NOMO1: variants seen among roughly 807,000 people sequenced by gnomAD.
NOMO1 encodes nodal modulator 3.
NOMO1 carries 40 observed loss-of-function variants against 133.8 expected under a neutral mutation model. That is an observed-to-expected ratio of 0.30 (90% CI 0.23 to 0.39). The LOEUF (loss-of-function observed/expected upper bound fraction) is 0.39, where lower values mean the gene tolerates loss of function less well. NOMO1 is among the 10% of genes least tolerant of loss of function. The probability of loss-of-function intolerance (pLI) is 1.00; values close to 1 mark genes in which losing one functional copy is unlikely to be tolerated. For missense variants in NOMO1, 462 were observed against 1,419.9 expected, an observed-to-expected ratio of 0.33 and a Z score of 10.84; for synonymous variants, 236 against 570.5, an observed-to-expected ratio of 0.41 and a Z score of 8.36.
At chr16:14,882,565 A>G in intron 25 of NOMO1, 29 bp from the exon 26 acceptor site, 7 of 1,611,560 alleles carry the variant, frequency 4.3e-6, no homozygotes, top group Non-Finnish European at 5.9e-6. Flanking sequence ...CCCCCTTTCT[A>G]GAGAGCTGAC....
At chr16:14,876,338 G>A (rs1176998942) in intron 20 of NOMO1, 21 bp from the exon 21 acceptor site, 9 of 1,610,730 alleles carry the variant, frequency 5.6e-6, no homozygotes, top group African/African-American at 1.3e-5. Context: ...CCATCCTTGT[G>A]TTTATTTCTT....
intron 6 of NOMO1, among the ~76,000 whole-genome samples, chr16:14,850,116 G>T (rs1171368229): frequency 6.7e-6 from 1 of 149,632 alleles, no homozygotes; most frequent in Non-Finnish European, 1.5e-5. Context: ...TGTTGCCCAG[G>T]CTGGAGTGCA....
chr16:14,887,826 A>T (rs1191645813), intron 28 of NOMO1, among the ~76,000 whole-genome samples: 1 of 151,844 alleles, frequency 6.6e-6, no homozygotes, highest in South Asian at 2.1e-4. Flanking sequence ...TTTCCTCATG[A>T]TGGGGGATCC....
chr16:14,889,260 G>T, intron 29 of NOMO1, 45 bp downstream of exon 29: 1 of 1,611,648 alleles, frequency 6.2e-7, no homozygotes, highest in Non-Finnish European at 8.5e-7. Context: ...GGCTGGGTTT[G>T]GTGGCTCACG....
Position 14,833,726 on chromosome 16 carries a change from T to A in NOMO1, c.-126T>A, listed in dbSNP as rs1963458892. Reference sequence around the variant, plus strand: ...TCGAAGCGCGCGTGCGCGGCGGCTCTGGCGGCGGCGGTGGGGCGGGGCCTG... The same window carrying A: ...TCGAAGCGCGCGTGCGCGGCGGCTCAGGCGGCGGCGGTGGGGCGGGGCCTG... On this transcript the variant is annotated 5_prime_UTR_variant, in exon 1 of 31. Transcript: ENST00000287667. 8.5e-7 allele frequency: 1 copy of A among 1,170,392 alleles called. No individual in the cohort carries two copies. Among genetic ancestry groups the A allele is most frequent in the African/African-American group, 1.7e-5 (1 of 60,540 alleles). 72.5% of individuals were successfully genotyped at this position (1,170,392 alleles called of 1,614,324 possible).
chr16:14,855,476 T>C (rs931467860), intron 9 of NOMO1, among the ~76,000 whole-genome samples: 11 of 151,798 alleles, frequency 7.2e-5, no homozygotes, highest in African/African-American at 2.7e-4. Context: ...TCTTTTAATA[T>C]TACATTTGAA....
At chr16:14,855,740 G>C (rs1195388878) in intron 9 of NOMO1, among the ~76,000 whole-genome samples, 1 of 152,014 alleles carries the variant, frequency 6.6e-6, no homozygotes, top group African/African-American at 2.4e-5. Context: ...ATGATGAATG[G>C]AATTTCAGGG....
Position 14,882,498 on chromosome 16 carries a change from C to G in NOMO1, c.3028-96C>G, listed in dbSNP as rs1597113490. On this transcript the variant is annotated intron_variant, in intron 25 of 30. Coordinates refer to ENST00000287667, the MANE Select transcript of NOMO1 (RefSeq NM_014287.4). The stretch of plus-strand genomic sequence containing the variant: ...AGGAAATGAGGGGAGAGAAATGCTC[C>G]TGTCTTAATGATCTCGTGCAGCCAA... The G allele has an allele frequency of 2.0e-6, 3 of 1,470,278 alleles. No homozygotes were observed. In the East Asian group the frequency reaches 6.9e-5, roughly 34 times the overall value. 91.1% of individuals were successfully genotyped at this position (1,470,278 alleles called of 1,614,324 possible).
chr16:14,840,716 C>G (rs1807659858), intron 2 of NOMO1, among the ~76,000 whole-genome samples: 1 of 148,674 alleles, frequency 6.7e-6, no homozygotes, highest in Admixed American at 6.7e-5. Context: ...TGCTGGAGTG[C>G]AGGGGCACAA....
intron 26 of NOMO1, among the ~76,000 whole-genome samples, chr16:14,884,058 TCTC>T (rs1305423138): frequency 6.8e-6 from 1 of 147,768 alleles, no homozygotes; most frequent in African/African-American, 2.5e-5. Flanking sequence ...AGAGCATCCT[TCTC>T]CTTTTTTTTT....
chr16:14,850,855 G>A (rs1298762970), intron 6 of NOMO1, among the ~76,000 whole-genome samples: 1 of 151,754 alleles, frequency 6.6e-6, no homozygotes, highest in African/African-American at 2.4e-5. Context: ...GCTGAGGTGG[G>A]TGGATCACTT....
intron 3 of NOMO1, among the ~76,000 whole-genome samples, chr16:14,843,547 C>T (rs981215142): frequency 2.0e-5 from 3 of 151,720 alleles, no homozygotes; most frequent in African/African-American, 7.3e-5. Context: ...TAATTTTAGC[C>T]CTTCTGGTGG....
Position 14,886,894 on chromosome 16 carries a change from C to T in NOMO1, c.3324+32C>T, listed in dbSNP as rs547102817. On this transcript the variant is annotated intron_variant, in intron 28 of 30. Coordinates refer to ENST00000287667, the MANE Select transcript of NOMO1 (RefSeq NM_014287.4). Reference sequence around the variant, plus strand: ...CCTGTGGCCGGATTCTACCTTCTGCCTTTGTTTTAATAATTCTGCTGTTTA... The same window carrying T: ...CCTGTGGCCGGATTCTACCTTCTGCTTTTGTTTTAATAATTCTGCTGTTTA... 4.1e-5 allele frequency: 66 copies of T among 1,609,680 alleles called. 2 individuals are homozygous for T. In the East Asian group the frequency reaches 1.4e-3, roughly 33 times the overall value.
Position 14,833,926 on chromosome 16 carries a change from C to T in NOMO1, c.75C>T (p.Gly25=). The T allele has an allele frequency of 1.6e-6, 1 of 610,464 alleles. No homozygotes were observed. Among genetic ancestry groups the T allele is most frequent in the Non-Finnish European group, 2.3e-6 (1 of 425,662 alleles). The allele number at this position is 610,464 out of a possible 1,614,324, so 37.8% of individuals were successfully genotyped here. A position where few individuals can be genotyped will look rare whatever the true frequency, so the allele number is the denominator to read the frequency against. ...VTAAVVLLLS[G]VGPAHGSEDI... ...CCGCGGTGGTGCTGCTGCTGAGCGG[C>T]GTGGGGCCGGCGCACGGCTCGGAGG... Residue 25 remains glycine, a synonymous_variant, in exon 1 of 31, where the codon GGC becomes GGT. Coordinates refer to ENST00000287667, the MANE Select transcript of NOMO1 (RefSeq NM_014287.4).
chr16:14,858,642 A>G (rs576914902), intron 11 of NOMO1, among the ~76,000 whole-genome samples: 1 of 152,182 alleles, frequency 6.6e-6, no homozygotes, highest in African/African-American at 2.4e-5. Flanking sequence ...GGTGAAGGTG[A>G]TGATGAGGCC....
chr16:14,836,296 T>G (rs1003188945), intron 1 of NOMO1, among the ~76,000 whole-genome samples: 2 of 152,072 alleles, frequency 1.3e-5, no homozygotes, highest in African/African-American at 2.4e-5. Context: ...TCTCAGGCAC[T>G]GGGGAATGAA....
At chr16:14,838,951 G>C (rs2151891713) in intron 2 of NOMO1, among the ~76,000 whole-genome samples, 1 of 151,694 alleles carries the variant, frequency 6.6e-6, no homozygotes, top group East Asian at 1.9e-4. Flanking sequence ...AGAAAGTCAA[G>C]GTCTTTAGAA....
chr16:14,841,685 G>A lies in NOMO1; in HGVS notation c.301+278G>A, dbSNP rs201510823. Among the ~76,000 whole-genome samples, 21 of 151,018 alleles carry A rather than the reference G, an allele frequency of 1.4e-4. 1 individual carries two copies. The highest frequency in any genetic ancestry group is 5.9e-4 in the East Asian group (3 of 5,118). ...TTGCAGTTTCACTCATTACGTGGCC[G>A]TGGAACAGTATAGAAATCAAGAGTG... On this transcript the variant is annotated intron_variant, in intron 3 of 30. Coordinates refer to ENST00000287667, the MANE Select transcript of NOMO1 (RefSeq NM_014287.4).
At chr16:14,852,160 C>T (rs1963766691) in intron 6 of NOMO1, among the ~76,000 whole-genome samples, 1 of 150,742 alleles carries the variant, frequency 6.6e-6, no homozygotes, top group African/African-American at 2.5e-5. Context: ...TGGTGGCGAG[C>T]ACTTGTAATC....
Sources: allele counts gnomAD v4.1 joint callset (sites outside exome capture counted in the v4.1 genomes callset), GRCh38; gene constraint gnomAD v4.1.1; transcripts MANE v1.5; gene names NCBI Gene and HGNC (gene_info 2026-07-23, HGNC 2026-07-21).